Variants in SLC43A1 observed in about 807,000 individuals in gnomAD.
SLC43A1 encodes the protein large neutral amino acids transporter small subunit 3.
A neutral mutation model predicts 59.5 loss-of-function variants in SLC43A1; 31 were observed. The ratio of observed to expected loss-of-function variants is 0.52; its 90% confidence interval spans 0.39 to 0.70. SLC43A1 has a LOEUF of 0.70. SLC43A1 is among the 30% of genes least tolerant of loss of function. SLC43A1 has a pLI of 0.00. For missense variants in SLC43A1, 598 were observed against 717.8 expected (o/e 0.83, Z 1.91); for synonymous variants, 259 against 290.9 (o/e 0.89, Z 1.12).
chr11:57,496,006 GTC>G, intron 7 of SLC43A1, 23 bp downstream of exon 7: 1 of 1,612,846 alleles, frequency 6.2e-7, no homozygotes, highest in South Asian at 1.1e-5. Flanking sequence ...CCCAGGGAGA[GTC>G]TCTGCCCACT....
At position 57,513,945 on chromosome 11, in the gene SLC43A1, T is replaced by G; in HGVS notation, c.154+13A>C. On this transcript the variant is annotated intron_variant, in intron 2 of 14. Coordinates refer to ENST00000278426, the MANE Select transcript of SLC43A1 (RefSeq NM_003627.6). ...CCCTCCCCCCAGCCCACCCAGCCCA[T>G]TTTCAGGCATACCTGGGCACGTGCT... is the stretch of plus-strand genomic sequence containing the variant. The G allele has an allele frequency of 3.6e-6, 2 of 557,032 alleles. No homozygotes were observed. The highest frequency in any genetic ancestry group is 3.4e-6 in the Non-Finnish European group (1 of 296,650). The allele number at this position is 557,032 out of a possible 1,614,324, so 34.5% of individuals were successfully genotyped here. A position where few individuals can be genotyped will look rare whatever the true frequency, so the allele number is the denominator to read the frequency against.
In SLC43A1 at chr11:57,487,163, CA is replaced by C; in HGVS notation, c.1464del (p.Val489CysfsTer17). 6.2e-7 allele frequency: 1 copy of C among 1,614,144 alleles called. No homozygotes were observed. Among genetic ancestry groups the C allele is most frequent in the South Asian group, 1.1e-5 (1 of 91,084 alleles). On this transcript the variant is annotated frameshift_variant, in exon 14 of 15. Transcript: ENST00000278426. LOFTEE classifies it high-confidence loss of function. Reference protein sequence around the residue: ...TLTGLQSLISAVFALLQQPLF... With the variant: ...TLTGLQSLISXVFALLQQPLF... ...AGTGGCTGCTGAAGCAAGGCGAACA[CA>C]GCACTGATGAGGGACTGCAGGCCTG...
intron 2 of SLC43A1, among the ~76,000 whole-genome samples, chr11:57,503,242 A>G (rs1303187216): frequency 4.7e-5 from 7 of 149,840 alleles, no homozygotes; most frequent in Admixed American, 3.3e-4. Flanking sequence ...GCCTTTGGGG[A>G]TCAGGCTAGC....
Position 57,500,764 on chromosome 11 carries a change from G to T in SLC43A1, c.465+15C>A, listed in dbSNP as rs762958627. On this transcript the variant is annotated intron_variant, in intron 5 of 14. Transcript: ENST00000278426. Reference sequence around the variant, plus strand: ...CGGGGGAACTCTGCTGCCAGGCCAGGCCTGTGACACTCACCGTGAGTGAAG... The same window carrying T: ...CGGGGGAACTCTGCTGCCAGGCCAGTCCTGTGACACTCACCGTGAGTGAAG... 4 of 1,613,286 alleles carry T rather than the reference G, an allele frequency of 2.5e-6. No homozygotes were observed. The highest frequency in any genetic ancestry group is 3.4e-6 in the Non-Finnish European group (4 of 1,179,374).
intron 13 of SLC43A1, 69 bp from the exon 14 acceptor site, chr11:57,487,287 C>T: frequency 1.3e-6 from 2 of 1,560,212 alleles, no homozygotes; most frequent in East Asian, 2.3e-5. Flanking sequence ...CTCTCCTATC[C>T]CCTCCCCACC....
chr11:57,502,590 G>C (rs1944293659), intron 2 of SLC43A1, among the ~76,000 whole-genome samples: 1 of 152,148 alleles, frequency 6.6e-6, no homozygotes. Context: ...AACAAACCAG[G>C]CCAGGTGCAG....
intron 14 of SLC43A1, 140 bp downstream of exon 14, chr11:57,486,955 G>A: frequency 1.2e-6 from 1 of 827,490 alleles, no homozygotes; most frequent in Non-Finnish European, 1.9e-6. Context: ...CTAAAAGGCA[G>A]ACAACTTGGA....
chr11:57,494,551 C>A (rs182773629), intron 7 of SLC43A1: 2 of 251,522 alleles, frequency 8.0e-6, no homozygotes, highest in Admixed American at 1.2e-4. Context: ...GGGTTAATAC[C>A]CAATCTACAT....
chr11:57,513,919 T>C, intron 2 of SLC43A1, 39 bp downstream of exon 2: 1 of 1,404,236 alleles, frequency 7.1e-7, no homozygotes, highest in Non-Finnish European at 9.9e-7. Context: ...CCCTTTGCCA[T>C]CCCTCCCCCC....
At chr11:57,511,602 G>A (rs1944548065) in intron 2 of SLC43A1, among the ~76,000 whole-genome samples, 1 of 152,038 alleles carries the variant, frequency 6.6e-6, no homozygotes, top group African/African-American at 2.4e-5. Context: ...ACCACACCCA[G>A]CCAGACCATT....
chr11:57,487,079 C>A lies in SLC43A1; in HGVS notation c.1533+16G>T, dbSNP rs1451060209. ...AGAGTGGCTCCTGCTCCCCCCACAC[C>A]AACCCTCGCTCTCACCCAGAAGGGC... On this transcript the variant is annotated intron_variant, in intron 14 of 14. Transcript: ENST00000278426. 6.2e-7 allele frequency: 1 copy of A among 1,612,918 alleles called. No individual in the cohort carries two copies. Among genetic ancestry groups the A allele is most frequent in the African/African-American group, 1.3e-5 (1 of 74,912 alleles).
At chr11:57,492,534 GTGTATA>G (rs1943948024) in intron 8 of SLC43A1, among the ~76,000 whole-genome samples, 1 of 63,434 alleles carries the variant, frequency 1.6e-5, no homozygotes, top group African/African-American at 7.1e-5. Flanking sequence ...ATATAATTTT[GTGTATA>G]TATATATATA....
rs1200322905 is a variant in SLC43A1, at chr11:57,500,955, T to C, written c.388+33A>G. The C allele has an allele frequency of 1.9e-6, 3 of 1,597,436 alleles. No individual in the cohort carries two copies. In the Admixed American group the frequency reaches 5.3e-5, roughly 28 times the overall value. On this transcript the variant is annotated intron_variant, in intron 4 of 14. Transcript: ENST00000278426. ...TCCGCCTTCATCCCACCTATTCTTT[T>C]CTTGTGGGGCCACAAGAGGACAGAC... is the stretch of plus-strand genomic sequence containing the variant.
At chr11:57,486,351 C>T (rs989772684) in intron 14 of SLC43A1, among the ~76,000 whole-genome samples, 1 of 151,988 alleles carries the variant, frequency 6.6e-6, no homozygotes, top group Admixed American at 6.6e-5. Flanking sequence ...AAAAAATTAG[C>T]CAGGTATGGT....
At chr11:57,491,537 A>G in intron 10 of SLC43A1, 54 bp downstream of exon 10, 1 of 1,610,392 alleles carries the variant, frequency 6.2e-7, no homozygotes, top group South Asian at 1.1e-5. Flanking sequence ...GCCCCCTGAG[A>G]AGCGGGTTGC....
In SLC43A1 at chr11:57,513,953, C is replaced by CCAA; in HGVS notation, c.154+4_154+5insTTG. On this transcript the variant is annotated splice_donor_region_variant and intron_variant, in intron 2 of 14. Coordinates refer to ENST00000278426, the MANE Select transcript of SLC43A1 (RefSeq NM_003627.6). ...CCAGCCCACCCAGCCCATTTTCAGG[C>CCAA]ATACCTGGGCACGTGCTGGAATAGA... 1 of 870,438 alleles carries CCAA rather than the reference C, an allele frequency of 1.1e-6. No individual in the cohort carries two copies. The highest frequency in any genetic ancestry group is 1.8e-6 in the Non-Finnish European group (1 of 565,302). The allele number at this position is 870,438 out of a possible 1,614,324, so 53.9% of individuals were successfully genotyped here.
intron 2 of SLC43A1, among the ~76,000 whole-genome samples, chr11:57,507,868 C>T (rs1944427110): frequency 6.6e-6 from 1 of 152,200 alleles, no homozygotes; most frequent in Admixed American, 6.5e-5. Context: ...ACAATCCCAT[C>T]CGTAGTCTGA....
chr11:57,503,911 C>T lies in SLC43A1; in HGVS notation c.155-2582G>A, dbSNP rs1057342758. Reference sequence around the variant, plus strand: ...GCTTCTCTTTAAAAAGTTAGAAGATCGGCCAGGTGCGGTGGCTCAAGCCTG... The same window carrying T: ...GCTTCTCTTTAAAAAGTTAGAAGATTGGCCAGGTGCGGTGGCTCAAGCCTG... On this transcript the variant is annotated intron_variant, in intron 2 of 14. Transcript: ENST00000278426. 2.2e-4 allele frequency among the ~76,000 whole-genome samples: 33 copies of T among 152,110 alleles called. 1 individual carries two copies. Among genetic ancestry groups the T allele is most frequent in the Non-Finnish European group, 2.9e-4 (20 of 68,004 alleles).
At chr11:57,512,801 G>A (rs1471480396) in intron 2 of SLC43A1, among the ~76,000 whole-genome samples, 3 of 151,960 alleles carry the variant, frequency 2.0e-5, no homozygotes, top group Non-Finnish European at 4.4e-5. Flanking sequence ...GGGCCAGGAG[G>A]CATGGGAGAG....
Sources: gnomAD v4.1 joint callset for allele counts (sites outside exome capture counted in the v4.1 genomes callset) on GRCh38, gnomAD v4.1.1 for gene constraint, MANE v1.5 for transcripts, NCBI Gene and HGNC (gene_info 2026-07-23, HGNC 2026-07-21) for gene names.